HHIP: variants seen among roughly 807,000 people sequenced by gnomAD.
The protein encoded by HHIP is hedgehog interacting protein.
Under a neutral mutation model 74.0 loss-of-function variants are expected in HHIP, and 12 were observed. The observed-to-expected ratio is 0.16, with a 90% CI of 0.10 to 0.26. HHIP has a LOEUF of 0.26. HHIP is among the 10% of genes least tolerant of loss of function. The pLI is 1.00. For synonymous variants in HHIP, 309 were observed against 311.6 expected (o/e 0.99, Z 0.09); for missense variants, 788 against 845.0 (o/e 0.93, Z 0.84).
intron 7 of HHIP, among the ~76,000 whole-genome samples, 184 bp from the exon 8 acceptor site, chr4:144,711,766 A>C (rs1015693405): frequency 6.6e-6 from 1 of 152,240 alleles, no homozygotes; most frequent in Non-Finnish European, 1.5e-5. Flanking sequence ...TCCAGAGATT[A>C]AGCTTCAACC....
Position 144,646,554 on chromosome 4 carries a change from C to CG in HHIP, c.-122_-121insG. On this transcript the variant is annotated 5_prime_UTR_variant, in exon 1 of 13. An upstream open reading frame in the 5' UTR gains an earlier in-frame stop. Transcript: ENST00000296575. ...ATATTTTTGTCCCCGCCACCTCCCTCTGTCTCTGGAGTGCCCTACAGCCCC... is the reference window on the plus strand; with the variant it reads ...ATATTTTTGTCCCCGCCACCTCCCTCGTGTCTCTGGAGTGCCCTACAGCCCC... 1 of 968,200 alleles carries CG rather than the reference C, an allele frequency of 1.0e-6. No homozygotes were observed. Among genetic ancestry groups the CG allele is most frequent in the Non-Finnish European group, 1.6e-6 (1 of 644,828 alleles). The allele number at this position is 968,200 out of a possible 1,614,324, so 60.0% of individuals were successfully genotyped here.
chr4:144,678,750 C>T (rs1729245345), intron 4 of HHIP, among the ~76,000 whole-genome samples: 1 of 152,266 alleles, frequency 6.6e-6, no homozygotes, highest in East Asian at 1.9e-4. Flanking sequence ...CGTAGTATTC[C>T]ATGGTGTATG....
chr4:144,709,696 T>G (rs1182028977), intron 7 of HHIP, among the ~76,000 whole-genome samples: 3 of 152,284 alleles, frequency 2.0e-5, no homozygotes, highest in East Asian at 3.9e-4. Context: ...GAACTAAGTA[T>G]CTTGTGTACT....
intron 2 of HHIP, among the ~76,000 whole-genome samples, chr4:144,658,329 T>C (rs992083321): frequency 6.6e-6 from 1 of 151,488 alleles, no homozygotes; most frequent in Non-Finnish European, 1.5e-5. Flanking sequence ...CAACCCCCGA[T>C]ATTTTTCATT....
chr4:144,706,664 T>A lies in HHIP; in HGVS notation c.965T>A (p.Val322Glu). Reference sequence around the variant, plus strand: ...CCTCATGACCACATTCTTAGGGTTGTGGAATACACAGTATCCAGGTATCAC... The same window carrying A: ...CCTCATGACCACATTCTTAGGGTTGAGGAATACACAGTATCCAGGTATCAC... Reference protein sequence around the residue: ...IGPHDHILRVVEYTVSRKNPH... With the variant: ...IGPHDHILRVEEYTVSRKNPH... The change falls in exon 5 of 13, where the codon GTG becomes GAG. Residue 322 changes from valine to glutamate, a missense_variant. Physicochemically the swap from Val to Glu is moderately radical, Grantham distance 121. Coordinates refer to ENST00000296575, the MANE Select transcript of HHIP (RefSeq NM_022475.3). 1 of 1,612,814 alleles carries A rather than the reference T, an allele frequency of 6.2e-7. No homozygotes were observed. The highest frequency in any genetic ancestry group is 8.5e-7 in the Non-Finnish European group (1 of 1,179,636).
chr4:144,715,512 A>G (rs1730424378), intron 10 of HHIP, 82 bp downstream of exon 10: 3 of 1,332,910 alleles, frequency 2.3e-6, no homozygotes, highest in Non-Finnish European at 3.1e-6. Context: ...GAATAAATAC[A>G]GCAATCTTAT....
At chr4:144,686,170 T>A (rs1008112929) in intron 4 of HHIP, among the ~76,000 whole-genome samples, 1 of 152,212 alleles carries the variant, frequency 6.6e-6, no homozygotes, top group African/African-American at 2.4e-5. Flanking sequence ...TTGAGTAGCA[T>A]ATGAATTGGT....
Position 144,646,786 on chromosome 4 carries a change from A to T in HHIP, c.111A>T (p.Arg37Ser). Reference protein sequence around the residue: ...ERNEGSGARRRRCLNGNPPKR... With the variant: ...ERNEGSGARRSRCLNGNPPKR... ...ACGAAGGGAGCGGAGCAAGGAGGAGAAGGTGCCTGAATGGGAACCCCCCGA... is the reference window on the plus strand; with the variant it reads ...ACGAAGGGAGCGGAGCAAGGAGGAGTAGGTGCCTGAATGGGAACCCCCCGA... The change falls in exon 1 of 13, where the codon AGA becomes AGT. Residue 37 changes from arginine to serine, a missense_variant. Physicochemically the swap from Arg to Ser is moderately radical, Grantham distance 110. Around this residue, in one of 3 missense-constraint regions of HHIP, gnomAD observed 373 missense variants for 366.4 expected, o/e 1.02. Transcript: ENST00000296575. 1 of 1,614,162 alleles carries T rather than the reference A, an allele frequency of 6.2e-7. No homozygotes were observed. The highest frequency in any genetic ancestry group is 8.5e-7 in the Non-Finnish European group (1 of 1,180,028).
intron 11 of HHIP, among the ~76,000 whole-genome samples, chr4:144,719,979 G>T (rs548086105): frequency 2.6e-5 from 4 of 152,206 alleles, no homozygotes; most frequent in African/African-American, 7.2e-5. Flanking sequence ...GCAACAAAAC[G>T]CTTTTCTGAG....
chr4:144,648,043 T>C (rs1041020124), intron 1 of HHIP: 1 of 152,036 alleles, frequency 6.6e-6, no homozygotes, highest in Non-Finnish European at 1.5e-5. Flanking sequence ...TCACGGTAGA[T>C]TTCACTCTAT....
chr4:144,700,153 A>G (rs78726617), intron 4 of HHIP, among the ~76,000 whole-genome samples: 4,195 of 152,254 alleles, frequency 0.028, 211 homozygotes, highest in African/African-American at 0.095. Flanking sequence ...CTTCTGCTCA[A>G]TTCTGAAGGA....
rs112844609 is a variant in HHIP, at chr4:144,708,153, C to T, written c.1158-15C>T. ...TGAAAATGTAAAACACATACTCTGT[C>T]CCCCAATTTCTCAGTGATTTCACAG... On this transcript the variant is annotated splice_polypyrimidine_tract_variant and intron_variant, in intron 6 of 12. Coordinates refer to ENST00000296575, the MANE Select transcript of HHIP (RefSeq NM_022475.3). The T allele has an allele frequency of 2.5e-4, 397 of 1,613,008 alleles. 2 individuals carry two copies. In the African/African-American group the frequency reaches 4.3e-3, roughly 17 times the overall value.
chr4:144,671,706 T>C (rs1729043213), intron 4 of HHIP, among the ~76,000 whole-genome samples: 1 of 152,088 alleles, frequency 6.6e-6, no homozygotes, highest in Non-Finnish European at 1.5e-5. Flanking sequence ...GGCTAAATAA[T>C]ACCTTGGGTC....
intron 1 of HHIP, chr4:144,648,198 C>T (rs1372059950): frequency 6.6e-6 from 1 of 152,222 alleles, no homozygotes; most frequent in East Asian, 1.9e-4. Flanking sequence ...AAGGGGTCGA[C>T]TTATCCTCCT....
At chr4:144,671,523 T>G (rs962834943) in intron 4 of HHIP, among the ~76,000 whole-genome samples, 7 of 152,186 alleles carry the variant, frequency 4.6e-5, no homozygotes, top group Non-Finnish European at 8.8e-5. Flanking sequence ...GCCTTTGATC[T>G]CTAATGGGTC....
At chr4:144,719,187 A>C (rs1274825599) in intron 11 of HHIP, among the ~76,000 whole-genome samples, 1 of 152,178 alleles carries the variant, frequency 6.6e-6, no homozygotes, top group Non-Finnish European at 1.5e-5. Flanking sequence ...CTGTCATCAC[A>C]GAGCACCATT....
At chr4:144,671,783 G>C (rs1729047060) in intron 4 of HHIP, among the ~76,000 whole-genome samples, 1 of 152,050 alleles carries the variant, frequency 6.6e-6, no homozygotes, top group Non-Finnish European at 1.5e-5. Flanking sequence ...AGGAGTTCGA[G>C]ACCAGCCTGG....
At chr4:144,650,326 G>A (rs1728383595) in intron 1 of HHIP, among the ~76,000 whole-genome samples, 1 of 152,076 alleles carries the variant, frequency 6.6e-6, no homozygotes, top group Non-Finnish European at 1.5e-5. Context: ...TACTAGGCAT[G>A]CTGTAATAAT....
rs759347059 is a variant in HHIP, at chr4:144,742,860, TTA to T, written c.*4913_*4914del. ...ATATATATATCTTTATATATATATC[TTA>T]TATATATATCTTTTTATATATATCT... On this transcript the variant is annotated 3_prime_UTR_variant, in exon 13 of 13. Transcript: ENST00000296575. The T allele has an allele frequency of 3.2e-4, 45 of 140,258 alleles. No individual in the cohort carries two copies. The East Asian group carries it at 6.7e-3, about 21-fold the overall frequency. 8.7% of individuals were successfully genotyped at this position (140,258 alleles called of 1,614,324 possible).
Sources: allele counts gnomAD v4.1 joint callset (sites outside exome capture counted in the v4.1 genomes callset), GRCh38; gene constraint gnomAD v4.1.1; regional missense constraint gnomAD v4.1.1; transcripts MANE v1.5; gene names NCBI Gene and HGNC (gene_info 2026-07-23, HGNC 2026-07-21).